The following GNG12 variants were observed in gnomAD, a reference collection of about 807,000 sequenced individuals.
The protein encoded by GNG12 is guanine nucleotide-binding protein G(I)/G(S)/G(O) subunit gamma-12.
For synonymous variants in GNG12, 28 were observed against 29.7 expected, an observed-to-expected ratio of 0.94 and a Z score of 0.19; for missense variants, 69 against 83.8, an observed-to-expected ratio of 0.82 and a Z score of 0.69.
chr1:67,777,878 C>CTGG (rs1646715288), intron 1 of GNG12, among the ~76,000 whole-genome samples: 1 of 152,172 alleles, frequency 6.6e-6, no homozygotes, highest in Admixed American at 6.5e-5. Context: ...ACCTAAAATA[C>CTGG]TGGTGGTCCA....
intron 2 of GNG12, among the ~76,000 whole-genome samples, chr1:67,739,203 C>A (rs183316710): frequency 6.6e-6 from 1 of 151,994 alleles, no homozygotes; most frequent in Non-Finnish European, 1.5e-5. Flanking sequence ...AACAAAAAAA[C>A]CCCAGCAACA....
intron 2 of GNG12, among the ~76,000 whole-genome samples, chr1:67,769,236 TG>T (rs887945274): frequency 1.3e-5 from 2 of 152,078 alleles, no homozygotes; most frequent in African/African-American, 4.8e-5. Flanking sequence ...CACCATGGGT[TG>T]GGGGGTCTAT....
intron 2 of GNG12, among the ~76,000 whole-genome samples, chr1:67,732,001 T>A (rs1016958710): frequency 6.6e-6 from 1 of 152,212 alleles, no homozygotes; most frequent in Non-Finnish European, 1.5e-5. Context: ...CAATGTCCAC[T>A]TAAAATCATT....
At chr1:67,767,535 G>A (rs919122665) in intron 2 of GNG12, among the ~76,000 whole-genome samples, 14 of 152,176 alleles carry the variant, frequency 9.2e-5, no homozygotes, top group Admixed American at 5.9e-4. Context: ...CCCATGGGAA[G>A]GTTATGCAAC....
At chr1:67,751,777 A>T (rs1646540225) in intron 2 of GNG12, among the ~76,000 whole-genome samples, 1 of 152,216 alleles carries the variant, frequency 6.6e-6, no homozygotes, top group Non-Finnish European at 1.5e-5. Flanking sequence ...GTTATCATGC[A>T]GATGCTCTAG....
At chr1:67,828,264 A>T (rs1647022283) in intron 1 of GNG12, among the ~76,000 whole-genome samples, 1 of 152,190 alleles carries the variant, frequency 6.6e-6, no homozygotes, top group East Asian at 1.9e-4. Context: ...AGAGGCACTG[A>T]TGATTCTCCT....
chr1:67,767,447 C>T (rs965035235), intron 2 of GNG12, among the ~76,000 whole-genome samples: 2 of 152,306 alleles, frequency 1.3e-5, no homozygotes, highest in South Asian at 2.1e-4. Flanking sequence ...GTCAGCTCTC[C>T]ACACCTACCT....
chr1:67,742,401 T>C (rs1461628554), intron 2 of GNG12, among the ~76,000 whole-genome samples: 1 of 152,190 alleles, frequency 6.6e-6, no homozygotes, highest in Non-Finnish European at 1.5e-5. Flanking sequence ...TCAGGAATTC[T>C]CTGGCCCTAA....
At chr1:67,762,256 G>A (rs951766710) in intron 2 of GNG12, among the ~76,000 whole-genome samples, 5 of 152,098 alleles carry the variant, frequency 3.3e-5, no homozygotes, top group Admixed American at 1.3e-4. Flanking sequence ...TCACTGACTT[G>A]TTTATCTGCC....
chr1:67,751,661 T>C (rs1646539379), intron 2 of GNG12, among the ~76,000 whole-genome samples: 1 of 152,226 alleles, frequency 6.6e-6, no homozygotes, highest in African/African-American at 2.4e-5. Context: ...TGAAAAGCCA[T>C]ACCTCGGCCC....
intron 2 of GNG12, among the ~76,000 whole-genome samples, chr1:67,728,141 C>A (rs959700574): frequency 6.6e-5 from 10 of 152,310 alleles, no homozygotes; most frequent in African/African-American, 2.4e-4. Flanking sequence ...AGATGGATCC[C>A]TAACAGGGCT....
At chr1:67,791,407 C>T (rs1382305265) in intron 1 of GNG12, among the ~76,000 whole-genome samples, 1 of 152,074 alleles carries the variant, frequency 6.6e-6, no homozygotes, top group African/African-American at 2.4e-5. Context: ...ACTTACTTGT[C>T]TGACTGATTT....
intron 2 of GNG12, among the ~76,000 whole-genome samples, chr1:67,743,951 A>G (rs1249689271): frequency 6.6e-6 from 1 of 152,206 alleles, no homozygotes; most frequent in East Asian, 1.9e-4. Flanking sequence ...GGTTAGTAGA[A>G]ATAACATAGT....
At chr1:67,806,447 T>C (rs988701618) in intron 1 of GNG12, among the ~76,000 whole-genome samples, 1 of 151,978 alleles carries the variant, frequency 6.6e-6, no homozygotes, top group African/African-American at 2.4e-5. Flanking sequence ...AACCCACATA[T>C]ATGGAGGGCC....
At chr1:67,780,707 C>T (rs1378102056) in intron 1 of GNG12, among the ~76,000 whole-genome samples, 1 of 152,158 alleles carries the variant, frequency 6.6e-6, no homozygotes, top group East Asian at 1.9e-4. Flanking sequence ...CCAGCCAGTT[C>T]CAAGGAGATG....
chr1:67,815,004 T>C (rs1461995001), intron 1 of GNG12, among the ~76,000 whole-genome samples: 1 of 152,216 alleles, frequency 6.6e-6, no homozygotes, highest in Non-Finnish European at 1.5e-5. Context: ...TGAGATTCCA[T>C]TTTTCATTTT....
At chr1:67,750,381 T>C (rs1006667516) in intron 2 of GNG12, among the ~76,000 whole-genome samples, 5 of 152,226 alleles carry the variant, frequency 3.3e-5, no homozygotes, top group Non-Finnish European at 7.3e-5. Flanking sequence ...TGCAGGCCTC[T>C]TGCTTTGTGG....
intron 1 of GNG12, among the ~76,000 whole-genome samples, chr1:67,797,717 G>GTC (rs1257157071): frequency 2.0e-5 from 3 of 152,126 alleles, no homozygotes; most frequent in Non-Finnish European, 4.4e-5. Flanking sequence ...TAGAAAATAG[G>GTC]ATGGGAAATG....
intron 2 of GNG12, among the ~76,000 whole-genome samples, chr1:67,742,329 T>A (rs533280295): frequency 6.6e-6 from 1 of 152,274 alleles, no homozygotes; most frequent in East Asian, 1.9e-4. Flanking sequence ...CTTTAATAAT[T>A]TAATAAATAT....
Sources: gnomAD v4.1 joint callset for allele counts (sites outside exome capture counted in the v4.1 genomes callset) on GRCh38, gnomAD v4.1.1 for gene constraint, MANE v1.5 for transcripts, NCBI Gene and HGNC (gene_info 2026-07-23, HGNC 2026-07-21) for gene names.